Variants in CCDC3 observed in about 807,000 individuals in gnomAD.
CCDC3 encodes coiled-coil domain-containing protein 3.
In CCDC3, 24 loss-of-function variants were observed where a neutral mutation model predicts 21.4. That is an observed-to-expected ratio of 1.12 (90% CI 0.81 to 1.58). CCDC3 has a LOEUF of 1.58. Among genes scored for constraint, CCDC3 ranks in the 40% most tolerant of loss-of-function variants. CCDC3 has a pLI of 0.00. For synonymous variants in CCDC3, 186 were observed against 166.0 expected (o/e 1.12, Z -0.93); for missense variants, 425 against 360.9 (o/e 1.18, Z -1.44).
exon 3 of CCDC3, chr10:13,098,591 C>T (rs369010111): frequency 3.9e-5 from 6 of 152,214 alleles, no homozygotes; most frequent in African/African-American, 1.2e-4. Context: ...GCTGTGACAC[C>T]GTCTTTTCTG....
intron 5 of CCDC3, among the ~76,000 whole-genome samples, chr10:13,010,376 G>A (rs149825480): frequency 3.2e-4 from 49 of 152,184 alleles, no homozygotes; most frequent in African/African-American, 1.0e-3. Flanking sequence ...ATGAAAAAAC[G>A]CTCAAAGTCA....
At chr10:13,043,570 G>C (rs991776634) in intron 5 of CCDC3, among the ~76,000 whole-genome samples, 36 of 152,092 alleles carry the variant, frequency 2.4e-4, no homozygotes, top group Non-Finnish European at 5.9e-5. Flanking sequence ...TCCAGCCAGG[G>C]GGGACAGAGT....
At chr10:13,024,711 A>G (rs1457450770) in intron 5 of CCDC3, among the ~76,000 whole-genome samples, 1 of 152,222 alleles carries the variant, frequency 6.6e-6, no homozygotes, top group African/African-American at 2.4e-5. Context: ...TCTCCGTCAT[A>G]GGCAACTAAA....
chr10:12,918,797 TA>T (rs1300723163), intron 2 of CCDC3, among the ~76,000 whole-genome samples: 1 of 152,136 alleles, frequency 6.6e-6, no homozygotes, highest in Non-Finnish European at 1.5e-5. Context: ...CTCATGCCTG[TA>T]ATCCCAGAAC....
At chr10:12,931,147 G>T (rs1351507375) in intron 2 of CCDC3, among the ~76,000 whole-genome samples, 2 of 140,628 alleles carry the variant, frequency 1.4e-5, no homozygotes, top group East Asian at 4.4e-4. Flanking sequence ...GGAGGCGGAG[G>T]TTACAGCGAG....
At chr10:12,984,112 A>G (rs1835549367) in intron 2 of CCDC3, among the ~76,000 whole-genome samples, 2 of 152,214 alleles carry the variant, frequency 1.3e-5, no homozygotes, top group South Asian at 4.1e-4. Context: ...ACCCACAGTG[A>G]AAAGACAGCA....
rs756168314 is a variant in CCDC3, at chr10:12,898,443, G to C, written c.786C>G (p.Pro262=). 6.2e-7 allele frequency: 1 copy of C among 1,605,508 alleles called. No individual in the cohort carries two copies. The highest frequency in any genetic ancestry group is 8.5e-7 in the Non-Finnish European group (1 of 1,174,718). Residue 262 remains proline, a synonymous_variant, in exon 3 of 3, where the codon CCC becomes CCG. Coordinates refer to ENST00000378825, the MANE Select transcript of CCDC3 (RefSeq NM_031455.4). ...GALPHINARG[P]VRPPYLRG ...ACCCCCGCAGGTAGGGGGGGCGCACGGGCCCCCGGGCATTGATGTGCGGCA... is the reference window on the plus strand; with the variant it reads ...ACCCCCGCAGGTAGGGGGGGCGCACCGGCCCCCGGGCATTGATGTGCGGCA...
chr10:13,027,719 T>C (rs973931769), intron 5 of CCDC3, among the ~76,000 whole-genome samples: 28 of 64,054 alleles, frequency 4.4e-4, no homozygotes, highest in Non-Finnish European at 8.7e-4. Flanking sequence ...TCAAAAAAAA[T>C]TAAAAAAAAA....
At chr10:12,968,944 G>A (rs1423296081) in intron 2 of CCDC3, among the ~76,000 whole-genome samples, 1 of 152,004 alleles carries the variant, frequency 6.6e-6, no homozygotes, top group Non-Finnish European at 1.5e-5. Context: ...AGGAAGAAAG[G>A]AACAAAGGAA....
At chr10:12,917,336 G>A (rs1267427845) in intron 2 of CCDC3, among the ~76,000 whole-genome samples, 8 of 151,756 alleles carry the variant, frequency 5.3e-5, no homozygotes, top group Non-Finnish European at 1.2e-4. Flanking sequence ...TGGGACTACA[G>A]GTACCCGCCA....
chr10:13,032,526 A>G (rs10906286), intron 5 of CCDC3, among the ~76,000 whole-genome samples: 120,099 of 151,396 alleles, frequency 0.79, 48,570 homozygotes, highest in Non-Finnish European at 0.87. Flanking sequence ...AAGGGTATTC[A>G]ATTAGGAAAA....
At chr10:12,997,154 C>T (rs1835773765) in intron 2 of CCDC3, among the ~76,000 whole-genome samples, 1 of 151,932 alleles carries the variant, frequency 6.6e-6, no homozygotes, top group Non-Finnish European at 1.5e-5. Context: ...GCCATCCCAC[C>T]AGACAAGAGA....
intron 2 of CCDC3, among the ~76,000 whole-genome samples, chr10:12,968,202 T>TACACACACAC (rs71386134): frequency 0.055 from 7,935 of 143,458 alleles, 309 homozygotes; most frequent in East Asian, 0.2. Flanking sequence ...CACACACACA[T>TACACACACAC]ACACACACAC....
chr10:12,988,811 C>T (rs570711334), intron 2 of CCDC3, among the ~76,000 whole-genome samples: 33 of 152,240 alleles, frequency 2.2e-4, no homozygotes, highest in African/African-American at 7.9e-4. Flanking sequence ...CCCAGTGACA[C>T]ACTGTAGGTG....
At chr10:12,917,732 C>G (rs577469813) in intron 2 of CCDC3, among the ~76,000 whole-genome samples, 2 of 152,246 alleles carry the variant, frequency 1.3e-5, no homozygotes, top group African/African-American at 4.8e-5. Flanking sequence ...ACATTGCAAC[C>G]CGAGTTTCAT....
intron 3 of CCDC3, among the ~76,000 whole-genome samples, chr10:13,087,456 C>A (rs1161959689): frequency 6.6e-6 from 1 of 151,736 alleles, no homozygotes; most frequent in Non-Finnish European, 1.5e-5. Context: ...ATCTGGCCCA[C>A]CCTCTTTGCC....
At chr10:13,031,662 A>C (rs903084965) in intron 5 of CCDC3, among the ~76,000 whole-genome samples, 2 of 152,204 alleles carry the variant, frequency 1.3e-5, no homozygotes, top group African/African-American at 4.8e-5. Context: ...AGGGGGTATC[A>C]CCACCAATCC....
At chr10:13,025,552 A>T (rs1480237222) in intron 5 of CCDC3, among the ~76,000 whole-genome samples, 1 of 152,248 alleles carries the variant, frequency 6.6e-6, no homozygotes, top group Non-Finnish European at 1.5e-5. Flanking sequence ...CTTGTTAAAT[A>T]TAACGTCAAA....
chr10:12,900,522 C>CA lies in CCDC3; in HGVS notation c.550-1844dup, dbSNP rs10716235. Among the ~76,000 whole-genome samples, 79 of 75,850 alleles carry CA rather than the reference C, an allele frequency of 1.0e-3. 1 individual carries two copies. Among genetic ancestry groups the CA allele is most frequent in the African/African-American group, 2.6e-3 (44 of 17,140 alleles). 49.8% of individuals were successfully genotyped at this position (75,850 alleles called of 152,430 possible). The stretch of plus-strand genomic sequence containing the variant: ...TGAAACCCCATTTCTACTAAAAATA[C>CA]AAAAAAAAAAAAAAAAAAAAAAGCC... On this transcript the variant is annotated intron_variant, in intron 2 of 2. Transcript: ENST00000378825.
Sources: allele counts gnomAD v4.1 joint callset (sites outside exome capture counted in the v4.1 genomes callset), GRCh38; gene constraint gnomAD v4.1.1; transcripts MANE v1.5; gene names NCBI Gene and HGNC (gene_info 2026-07-23, HGNC 2026-07-21).